Variants in MCC observed in about 807,000 individuals in gnomAD.
MCC encodes the protein colorectal mutant cancer protein.
In MCC, 90 loss-of-function variants were observed where a neutral mutation model predicts 116.2. The ratio of observed to expected loss-of-function variants is 0.77; its 90% CI spans 0.65 to 0.92. The LOEUF (loss-of-function observed/expected upper bound fraction) is 0.92, where lower values mean the gene tolerates loss of function less well. Ranked by LOEUF, MCC falls within the 40% of genes least tolerant of loss-of-function variation. The pLI is 0.00. For synonymous variants in MCC, 578 were observed against 510.5 expected (o/e 1.13, Z -1.78); for missense variants, 1,516 against 1,312.2 (o/e 1.16, Z -2.40).
At chr5:113,369,714 G>T (rs1016974405) in intron 2 of MCC, among the ~76,000 whole-genome samples, 1 of 152,042 alleles carries the variant, frequency 6.6e-6, no homozygotes, top group African/African-American at 2.4e-5. Context: ...TAGTCTGTTG[G>T]GCCCAATTTA....
At chr5:113,466,731 T>C (rs934792153) in intron 1 of MCC, among the ~76,000 whole-genome samples, 37 of 152,250 alleles carry the variant, frequency 2.4e-4, no homozygotes, top group African/African-American at 7.9e-4. Flanking sequence ...ATGGTATTTC[T>C]AGTTCTAGAT....
rs1015673740 is a variant in MCC at position 113,349,896 on chromosome 5, T to C, written c.416-9166A>G. ...AATCAGTAGCATTTCTATATGCCAATAGTGAACAATCTGAATAAAAATTTA... is the reference window on the plus strand; with the variant it reads ...AATCAGTAGCATTTCTATATGCCAACAGTGAACAATCTGAATAAAAATTTA... On this transcript the variant is annotated intron_variant, in intron 2 of 18. Transcript: ENST00000408903. Among the ~76,000 whole-genome samples, 8 of 152,096 alleles carry C rather than the reference T, an allele frequency of 5.3e-5. No individual in the cohort carries two copies. In the South Asian group the frequency reaches 1.7e-3, roughly 32 times the overall value.
intron 1 of MCC, among the ~76,000 whole-genome samples, chr5:113,407,762 C>T (rs952478988): frequency 7.9e-5 from 12 of 152,174 alleles, no homozygotes; most frequent in Non-Finnish European, 1.5e-4. Flanking sequence ...GCCCCGCATA[C>T]ATTAGCTATT....
intron 1 of MCC, among the ~76,000 whole-genome samples, chr5:113,422,155 A>G (rs946307380): frequency 6.6e-6 from 1 of 152,162 alleles, no homozygotes; most frequent in Non-Finnish European, 1.5e-5. Context: ...GCATTTGCTG[A>G]TTTCCATGGT....
chr5:113,130,221 C>G (rs919638513), intron 5 of MCC, among the ~76,000 whole-genome samples: 2 of 152,138 alleles, frequency 1.3e-5, no homozygotes, highest in Admixed American at 6.5e-5. Flanking sequence ...TCATTCTCAG[C>G]AAACTAATAC....
Position 113,076,813 on chromosome 5 carries a change from C to A in MCC, c.1785-5579G>T, listed in dbSNP as rs187680507. Among the ~76,000 whole-genome samples the A allele has an allele frequency of 7.0e-4, 106 of 152,216 alleles. 1 individual carries two copies. Among genetic ancestry groups the A allele is most frequent in the African/African-American group, 2.4e-3 (98 of 41,548 alleles). On this transcript the variant is annotated intron_variant, in intron 11 of 18. Transcript: ENST00000408903. ...GGATCAAATTCACACATAATATTAA[C>A]CTTAAATGTAAATGGGCTAAATGTT...
intron 3 of MCC, among the ~76,000 whole-genome samples, chr5:113,260,403 G>A (rs1014321046): frequency 2.0e-5 from 3 of 152,142 alleles, no homozygotes; most frequent in African/African-American, 7.2e-5. Flanking sequence ...CTTCATGCCT[G>A]CTTCTGCATG....
chr5:113,127,949 G>A lies in MCC; in HGVS notation c.885-5123C>T, dbSNP rs111340404. Among the ~76,000 whole-genome samples the A allele has an allele frequency of 8.2e-3, 1,249 of 152,290 alleles. 7 individuals carry two copies. Among genetic ancestry groups the A allele is most frequent in the Non-Finnish European group, 0.013 (894 of 68,018 alleles). On this transcript the variant is annotated intron_variant, in intron 5 of 18. Coordinates refer to ENST00000408903, the MANE Select transcript of MCC (RefSeq NM_001085377.2). Reference sequence around the variant, plus strand: ...CATGCAGAATGAAATTGCCTAGGTTGTCTCCCATAATCCTCACATTGTTTG... The same window carrying A: ...CATGCAGAATGAAATTGCCTAGGTTATCTCCCATAATCCTCACATTGTTTG...
At chr5:113,240,562 C>T (rs1243852803) in intron 3 of MCC, among the ~76,000 whole-genome samples, 6 of 152,208 alleles carry the variant, frequency 3.9e-5, no homozygotes, top group Middle Eastern at 3.2e-3. Flanking sequence ...CACTCCCCTT[C>T]CTCTGATACG....
At chr5:113,056,913 C>T (rs1445660550) in intron 14 of MCC, among the ~76,000 whole-genome samples, 3 of 152,068 alleles carry the variant, frequency 2.0e-5, no homozygotes, top group Non-Finnish European at 1.5e-5. Context: ...ATACACAGTC[C>T]ATGAGATGGT....
chr5:113,257,516 A>T (rs1470539794), intron 3 of MCC, among the ~76,000 whole-genome samples: 1 of 152,178 alleles, frequency 6.6e-6, no homozygotes, highest in Non-Finnish European at 1.5e-5. Context: ...AGTGAGAAAG[A>T]GACTGAGAAG....
chr5:113,303,808 A>G (rs1766919367), intron 3 of MCC, among the ~76,000 whole-genome samples: 4 of 152,098 alleles, frequency 2.6e-5, no homozygotes, highest in African/African-American at 7.2e-5. Context: ...GCCAGCCACT[A>G]TGCCCAGCTA....
rs769659609 is a variant in MCC at position 113,434,542 on chromosome 5, C to G, written c.171-49330G>C. Reference sequence around the variant, plus strand: ...AGGGCTCCCCGGGTTTTGATTAACTCGAGGAGGTCGCCCTGGACCGCGAGC... The same window carrying G: ...AGGGCTCCCCGGGTTTTGATTAACTGGAGGAGGTCGCCCTGGACCGCGAGC... On this transcript the variant is annotated intron_variant, in intron 1 of 18. Transcript: ENST00000408903. The surrounding 1 kb of genome is among the most constrained non-coding windows in gnomAD (Gnocchi z 4.2). The G allele has an allele frequency of 6.2e-7, 1 of 1,612,678 alleles. No homozygotes were observed. The highest frequency in any genetic ancestry group is 1.7e-5 in the Admixed American group (1 of 59,944).
At chr5:113,145,368 T>C (rs1759433563) in intron 4 of MCC, among the ~76,000 whole-genome samples, 1 of 152,180 alleles carries the variant, frequency 6.6e-6, no homozygotes, top group Non-Finnish European at 1.5e-5. Context: ...TTGTTCCTCC[T>C]CTTTTGTTTT....
At chr5:113,101,183 A>G (rs1021618171) in intron 8 of MCC, among the ~76,000 whole-genome samples, 34 of 152,184 alleles carry the variant, frequency 2.2e-4, no homozygotes, top group Admixed American at 2.2e-3. Context: ...ACAGAGACAC[A>G]CACATAACAT....
chr5:113,155,183 G>A (rs1217051830), intron 3 of MCC, among the ~76,000 whole-genome samples: 1 of 152,132 alleles, frequency 6.6e-6, no homozygotes, highest in Middle Eastern at 3.2e-3. Context: ...ATGACCTCCA[G>A]TTCTGTCCAC....
chr5:113,444,673 G>A (rs553537430), intron 1 of MCC, among the ~76,000 whole-genome samples: 1 of 152,238 alleles, frequency 6.6e-6, no homozygotes, highest in South Asian at 2.1e-4. Flanking sequence ...TCTTATTGTT[G>A]CTACTGGTTC....
chr5:113,122,297 G>A (rs1393566347), intron 6 of MCC, among the ~76,000 whole-genome samples: 1 of 152,094 alleles, frequency 6.6e-6, no homozygotes, highest in Non-Finnish European at 1.5e-5. Flanking sequence ...CCTCCTTCTT[G>A]CCCAATCCAA....
At chr5:113,445,576 C>T (rs1376595016) in intron 1 of MCC, among the ~76,000 whole-genome samples, 1 of 152,104 alleles carries the variant, frequency 6.6e-6, no homozygotes, top group African/African-American at 2.4e-5. Context: ...CTATAAAACA[C>T]TGCTGAAAGA....
Sources: gnomAD v4.1 joint callset for allele counts (sites outside exome capture counted in the v4.1 genomes callset) on GRCh38, gnomAD v4.1.1 for gene constraint, Gnocchi (gnomAD v3.1) non-coding constraint, MANE v1.5 for transcripts, NCBI Gene and HGNC (gene_info 2026-07-23, HGNC 2026-07-21) for gene names.